SLITRK5: variants seen among roughly 807,000 people sequenced by gnomAD.
SLITRK5 encodes SLIT and NTRK like family member 5.
A neutral mutation model predicts 56.2 loss-of-function variants in SLITRK5; 23 were observed. That is an observed-to-expected ratio of 0.41 (90% CI 0.29 to 0.58). The LOEUF (loss-of-function observed/expected upper bound fraction) is 0.58, where lower values mean the gene tolerates loss of function less well. SLITRK5 is among the 20% of genes least tolerant of loss of function. The pLI is 0.30. For synonymous variants in SLITRK5, 637 were observed against 531.8 expected (o/e 1.20, Z -2.72); for missense variants, 1,289 against 1,226.6 (o/e 1.05, Z -0.76).
In SLITRK5 at chr13:87,678,146, C is replaced by T. The variant is rs1830810460; in HGVS notation, c.2758C>T (p.Pro920Ser). Residue 920 changes from proline to serine, a missense_variant, in exon 2 of 2, where the codon CCG (proline) becomes TCG (serine). Pro to Ser is a moderately conservative substitution (Grantham distance 74). Coordinates refer to ENST00000683689, the MANE Select transcript of SLITRK5 (RefSeq NM_001384609.1). The part of the protein sequence containing the change: ...RLREPVLYSP[P>S]SAVFVEPNRN... ...ACGGGAACCGGTGCTCTACAGCCCC[C>T]CGAGTGCTGTCTTTGTAGAACCCAA... The T allele has an allele frequency of 6.2e-7, 1 of 1,614,082 alleles. No individual in the cohort carries two copies. The highest frequency in any genetic ancestry group is 1.7e-5 in the Admixed American group (1 of 60,008).
chr13:87,673,711 G>A, intron 1 of SLITRK5: 1 of 441,672 alleles, frequency 2.3e-6, no homozygotes, highest in South Asian at 1.6e-5. Flanking sequence ...ACACGTCTGG[G>A]TGGCCACACG....
At chr13:87,674,464 G>C in intron 1 of SLITRK5, 1 of 950,394 alleles carries the variant, frequency 1.1e-6, no homozygotes. Context: ...CGGTAGGAAC[G>C]TCCTTTTTAA....
chr13:87,673,000 G>A (rs1310831646), intron 1 of SLITRK5, among the ~76,000 whole-genome samples: 1 of 150,994 alleles, frequency 6.6e-6, no homozygotes, highest in Non-Finnish European at 1.5e-5. Context: ...GGGGGAGGGG[G>A]AGCCTCGCGT....
chr13:87,676,229 C>T lies in SLITRK5; in HGVS notation c.841C>T (p.Gln281Ter). Reference protein sequence around the residue: ...HGRDLDEVSKQELCPRRLISD... With the variant: ...HGRDLDEVSK ...AAGGGACTTGGACGAGGTATCCAAG[C>T]AGGAACTTTGCCCAAGGAGACTTAT... Residue 281 changes from glutamine (Q) to a stop codon, truncating the protein, a stop_gained, in exon 2 of 2, where the codon CAG becomes TAG. Coordinates refer to ENST00000683689, the MANE Select transcript of SLITRK5 (RefSeq NM_001384609.1). LOFTEE classifies it high-confidence loss of function. 6.2e-7 allele frequency: 1 copy of T among 1,614,132 alleles called. No individual in the cohort carries two copies. The highest frequency in any genetic ancestry group is 8.5e-7 in the Non-Finnish European group (1 of 1,180,036).
Position 87,677,047 on chromosome 13 carries a change from G to T in SLITRK5, c.1659G>T (p.Lys553Asn). 6.2e-7 allele frequency: 1 copy of T among 1,614,096 alleles called. No homozygotes were observed. The highest frequency in any genetic ancestry group is 8.5e-7 in the Non-Finnish European group (1 of 1,180,020). The change falls in exon 2 of 2, where the codon AAG (lysine) becomes AAT (asparagine). Residue 553 changes from lysine to asparagine, a missense_variant. Physicochemically the swap from Lys to Asn is moderately conservative, Grantham distance 94. This residue lies in a region of SLITRK5 where 985 missense variants were observed against 906.0 expected (regional missense o/e 1.09). Coordinates refer to ENST00000683689, the MANE Select transcript of SLITRK5 (RefSeq NM_001384609.1). The surrounding 1 kb of genome is among the most constrained non-coding windows in gnomAD (Gnocchi z 4.7). ...LPVSGVLDQLKSLIQIDLHDN... is the reference protein window; with the variant it reads ...LPVSGVLDQLNSLIQIDLHDN... ...TGAGTGGAGTTTTGGACCAGCTGAA[G>T]TCACTCATCCAAATCGACCTGCATG...
Position 87,678,041 on chromosome 13 carries a change from G to A in SLITRK5, c.2653G>A (p.Ala885Thr). ...PEYPKFPCSP[A>T]AYTFSPNYDL... ...ATATCCCAAATTCCCGTGCAGCCCC[G>A]CTGCTTACACTTTCTCCCCCAACTA... The change falls in exon 2 of 2, where the codon GCT (alanine) becomes ACT (threonine). Residue 885 changes from alanine (A) to threonine (T), a missense_variant. Around this residue, in one of 3 missense-constraint regions of SLITRK5, gnomAD observed 985 missense variants for 906.0 expected, o/e 1.09. Transcript: ENST00000683689. The A allele has an allele frequency of 1.2e-6, 2 of 1,614,084 alleles. No homozygotes were observed. The highest frequency in any genetic ancestry group is 1.7e-6 in the Non-Finnish European group (2 of 1,179,944).
intron 1 of SLITRK5, chr13:87,672,859 GTGTGT>G (rs924207432): frequency 6.3e-5 from 2 of 31,596 alleles, no homozygotes; most frequent in African/African-American, 1.8e-4. Flanking sequence ...AAAGAGGTGT[GTGTGT>G]GTGTGTGTGT....
chr13:87,671,907 G>T lies in SLITRK5; in HGVS notation c.-311G>T, dbSNP rs1306965964. 6.6e-6 allele frequency among the ~76,000 whole-genome samples: 1 copy of T among 152,132 alleles called. No homozygotes were observed. The highest frequency in any genetic ancestry group is 1.5e-5 in the Non-Finnish European group (1 of 68,016). ...GGAGCTGCAGCCGCCGCCTTCGCTG[G>T]AGCAGCCGAGGGGCCGGTGCCACCT... is the stretch of plus-strand genomic sequence containing the variant. On this transcript the variant is annotated 5_prime_UTR_variant, in exon 1 of 2. Transcript: ENST00000683689.
rs1372902257 is a variant in SLITRK5 at position 87,678,061 on chromosome 13, C to A, written c.2673C>A (p.Pro891=). ...PCSPAAYTFS[P]NYDLRRPHQY... The stretch of plus-strand genomic sequence containing the variant: ...GCCCCGCTGCTTACACTTTCTCCCC[C>A]AACTATGACCTGAGACGCCCCCATC... The change falls in exon 2 of 2, where the codon CCC becomes CCA. Residue 891 remains proline, a synonymous_variant. Coordinates refer to ENST00000683689, the MANE Select transcript of SLITRK5 (RefSeq NM_001384609.1). The A allele has an allele frequency of 2.5e-6, 4 of 1,614,128 alleles. No individual in the cohort carries two copies. Among genetic ancestry groups the A allele is most frequent in the Non-Finnish European group, 3.4e-6 (4 of 1,179,958 alleles).
Position 87,677,956 on chromosome 13 carries a change from G to A in SLITRK5, c.2568G>A (p.Arg856=), listed in dbSNP as rs1319521219. Residue 856 remains arginine, a synonymous_variant, in exon 2 of 2, where the codon AGG becomes AGA. Transcript: ENST00000683689. This position sits in a 1 kb window ranked among gnomAD's most constrained non-coding sequence, Gnocchi z 4.7. ...SPVQDADRFY[R]GILEPDKHCS... ...TGCAGGACGCCGACCGCTTTTACAG[G>A]GGCATTTTAGAACCAGACAAACACT... 3 of 1,613,846 alleles carry A rather than the reference G, an allele frequency of 1.9e-6. No individual in the cohort carries two copies. The highest frequency in any genetic ancestry group is 2.5e-6 in the Non-Finnish European group (3 of 1,179,926).
In SLITRK5 at chr13:87,678,523, G is replaced by A; in HGVS notation, c.*258G>A. The stretch of plus-strand genomic sequence containing the variant: ...GGCAGGTGTGGAGAAGGGCTTTAAG[G>A]AGGCCAATTTGCTGCGCGGGTGACC... On this transcript the variant is annotated 3_prime_UTR_variant, in exon 2 of 2. Transcript: ENST00000683689. 1 of 482,220 alleles carries A rather than the reference G, an allele frequency of 2.1e-6. No homozygotes were observed. The allele number at this position is 482,220 out of a possible 1,614,324, so 29.9% of individuals were successfully genotyped here.
chr13:87,678,504 T>C lies in SLITRK5; in HGVS notation c.*239T>C, dbSNP rs1316321659. 107 of 550,846 alleles carry C rather than the reference T, an allele frequency of 1.9e-4. No homozygotes were observed. The highest frequency in any genetic ancestry group is 3.3e-5 in the Non-Finnish European group (10 of 304,078). 34.1% of individuals were successfully genotyped at this position (550,846 alleles called of 1,614,324 possible). A position where few individuals can be genotyped will look rare whatever the true frequency, so the allele number is the denominator to read the frequency against. On this transcript the variant is annotated 3_prime_UTR_variant, in exon 2 of 2. Transcript: ENST00000683689. ...TTTCTCTTCTTGCGTGTGGGGCAGGTGTGGAGAAGGGCTTTAAGGAGGCCA... is the reference window on the plus strand; with the variant it reads ...TTTCTCTTCTTGCGTGTGGGGCAGGCGTGGAGAAGGGCTTTAAGGAGGCCA...
chr13:87,676,467 C>G lies in SLITRK5; in HGVS notation c.1079C>G (p.Pro360Arg). 6.2e-7 allele frequency: 1 copy of G among 1,614,058 alleles called. No individual in the cohort carries two copies. Among genetic ancestry groups the G allele is most frequent in the Non-Finnish European group, 8.5e-7 (1 of 1,180,016 alleles). ...GACTTGGGCTACAGCAACTATGGCC[C>G]CAGCATCGCCTATCAGACCAAATCC... ...SKDLGYSNYG[P>R]SIAYQTKSPV... The change falls in exon 2 of 2, where the codon CCC becomes CGC. Residue 360 changes from proline to arginine, a missense_variant. Pro to Arg is a moderately radical substitution (Grantham distance 103). This residue lies in a region of SLITRK5 where 985 missense variants were observed against 906.0 expected (regional missense o/e 1.09). Transcript: ENST00000683689.
At chr13:87,673,244 C>A (rs1006481954) in intron 1 of SLITRK5, among the ~76,000 whole-genome samples, 7 of 151,306 alleles carry the variant, frequency 4.6e-5, no homozygotes, top group Non-Finnish European at 8.8e-5. Context: ...AGCGCACCCG[C>A]GAATTTGCAT....
At position 87,676,559 on chromosome 13, in the gene SLITRK5, G is replaced by T; in HGVS notation, c.1171G>T (p.Val391Leu). The change falls in exon 2 of 2, where the codon GTA (valine) becomes TTA (leucine). Residue 391 changes from valine to leucine, a missense_variant. Around this residue, in one of 3 missense-constraint regions of SLITRK5, gnomAD observed 985 missense variants for 906.0 expected, o/e 1.09. Transcript: ENST00000683689. The part of the protein sequence containing the change: ...NLQISDLGLN[V>L]NCQERKIESI... ...GCAGATCTCTGATCTGGGCCTCAACGTAAACTGCCAGGAGCGAAAGATCGA... is the reference window on the plus strand; with the variant it reads ...GCAGATCTCTGATCTGGGCCTCAACTTAAACTGCCAGGAGCGAAAGATCGA... The T allele has an allele frequency of 6.2e-7, 1 of 1,614,112 alleles. No homozygotes were observed. The highest frequency in any genetic ancestry group is 8.5e-7 in the Non-Finnish European group (1 of 1,180,030).
chr13:87,673,999 CACACACAA>C (rs1407482383), intron 1 of SLITRK5, among the ~76,000 whole-genome samples: 2 of 122,240 alleles, frequency 1.6e-5, no homozygotes, highest in African/African-American at 6.9e-5. Flanking sequence ...CGCGCGCGCG[CACACACAA>C]ACACACACAC....
In SLITRK5 at chr13:87,677,690, C is replaced by G. The variant is rs1877351134; in HGVS notation, c.2302C>G (p.Arg768Gly). 3 of 1,605,936 alleles carry G rather than the reference C, an allele frequency of 1.9e-6. No individual in the cohort carries two copies. Among genetic ancestry groups the G allele is most frequent in the Admixed American group, 1.7e-5 (1 of 59,766 alleles). ...GTGCAAAAACCCCATCTACCGCTCCCGAGAGGGCAACTCCGTAGAGGATTA... is the reference window on the plus strand; with the variant it reads ...GTGCAAAAACCCCATCTACCGCTCCGGAGAGGGCAACTCCGTAGAGGATTA... ...HMCKNPIYRS[R>G]EGNSVEDYKD... Residue 768 changes from arginine (R) to glycine (G), a missense_variant, in exon 2 of 2, where the codon CGA becomes GGA. By Grantham distance (125) the Arg-to-Gly change is moderately radical. Coordinates refer to ENST00000683689, the MANE Select transcript of SLITRK5 (RefSeq NM_001384609.1). This position sits in a 1 kb window ranked among gnomAD's most constrained non-coding sequence, Gnocchi z 4.7.
chr13:87,675,244 C>T (rs1001941376), intron 1 of SLITRK5, 137 bp from the exon 2 acceptor site: 11 of 619,274 alleles, frequency 1.8e-5, no homozygotes, highest in Admixed American at 2.9e-5. Flanking sequence ...CAATGTTTCA[C>T]TTGGGGAGGT....
chr13:87,678,374 G>T lies in SLITRK5; in HGVS notation c.*109G>T. ...GTTGTTTCAACGTTTAGGGTGAAGT[G>T]CCTTGGCACGGGATTTCTCAGCTTC... On this transcript the variant is annotated 3_prime_UTR_variant, in exon 2 of 2. Transcript: ENST00000683689. The T allele has an allele frequency of 1.8e-6, 2 of 1,090,734 alleles. No homozygotes were observed. The highest frequency in any genetic ancestry group is 2.7e-6 in the Non-Finnish European group (2 of 753,534). 67.6% of individuals were successfully genotyped at this position (1,090,734 alleles called of 1,614,324 possible).
Sources: allele counts gnomAD v4.1 joint callset (sites outside exome capture counted in the v4.1 genomes callset), GRCh38; gene constraint gnomAD v4.1.1; regional missense constraint gnomAD v4.1.1; non-coding constraint Gnocchi (gnomAD v3.1); transcripts MANE v1.5; gene names NCBI Gene and HGNC (gene_info 2026-07-23, HGNC 2026-07-21).